Variants in GPM6A observed in about 807,000 individuals in gnomAD.
The protein encoded by GPM6A is glycoprotein M6A, also known as neuronal membrane glycoprotein M6-a.
Under a neutral mutation model 32.1 loss-of-function variants are expected in GPM6A, and 7 were observed. The ratio of observed to expected loss-of-function variants is 0.22; its 90% CI spans 0.12 to 0.41. The LOEUF (loss-of-function observed/expected upper bound fraction) is 0.41, where lower values mean the gene tolerates loss of function less well. Ranked by LOEUF, GPM6A falls within the 10% of genes least tolerant of loss-of-function variation. GPM6A has a pLI of 1.00. For synonymous variants in GPM6A, 130 were observed against 123.4 expected (o/e 1.05, Z -0.35); for missense variants, 235 against 347.2 (o/e 0.68, Z 2.57).
intron 1 of GPM6A, among the ~76,000 whole-genome samples, chr4:175,904,404 A>C (rs892815067): frequency 2.0e-5 from 3 of 152,204 alleles, no homozygotes; most frequent in African/African-American, 7.2e-5. Context: ...TTACAGATAC[A>C]TGTACACATG....
At chr4:175,812,059 C>A in intron 1 of GPM6A, 132 bp downstream of exon 1, 1 of 673,222 alleles carries the variant, frequency 1.5e-6, no homozygotes, top group Non-Finnish European at 2.5e-6. Context: ...GAGGAACAGA[C>A]TAAAGGAGAG....
At chr4:175,845,609 A>C (rs1736063433) in intron 1 of GPM6A, among the ~76,000 whole-genome samples, 1 of 152,126 alleles carries the variant, frequency 6.6e-6, no homozygotes, top group Non-Finnish European at 1.5e-5. Context: ...CTAAATATGC[A>C]GGTTCCAGTT....
chr4:175,922,848 G>A (rs1253328687), intron 1 of GPM6A, among the ~76,000 whole-genome samples: 1 of 152,008 alleles, frequency 6.6e-6, no homozygotes, highest in African/African-American at 2.4e-5. Context: ...ATATGAAAAA[G>A]CTTTCAACTT....
chr4:175,810,344 T>TA (rs1734867587), intron 1 of GPM6A, among the ~76,000 whole-genome samples: 1 of 152,184 alleles, frequency 6.6e-6, no homozygotes, highest in African/African-American at 2.4e-5. Flanking sequence ...ACCTAAATCA[T>TA]AAATATTGTA....
chr4:175,788,237 G>A (rs1733878382), intron 1 of GPM6A, among the ~76,000 whole-genome samples: 1 of 152,080 alleles, frequency 6.6e-6, no homozygotes, highest in Non-Finnish European at 1.5e-5. Context: ...AGGAAAAGGA[G>A]AAACGTCTGA....
At chr4:175,766,842 A>G (rs888458908) in intron 1 of GPM6A, among the ~76,000 whole-genome samples, 3 of 151,974 alleles carry the variant, frequency 2.0e-5, no homozygotes, top group African/African-American at 7.3e-5. Flanking sequence ...TTTAGTAGGA[A>G]CAGGGTTTCA....
chr4:175,756,434 G>A (rs1732527931), intron 1 of GPM6A, among the ~76,000 whole-genome samples: 1 of 152,144 alleles, frequency 6.6e-6, no homozygotes, highest in South Asian at 2.1e-4. Context: ...GGTTTTAAAA[G>A]TTAGACTCCA....
At chr4:175,839,532 CA>C (rs1348429127) in intron 1 of GPM6A, among the ~76,000 whole-genome samples, 1 of 151,946 alleles carries the variant, frequency 6.6e-6, no homozygotes, top group East Asian at 1.9e-4. Context: ...AGACTGAGAG[CA>C]GTATTTATAT....
chr4:175,653,317 T>C (rs771876916), intron 3 of GPM6A, among the ~76,000 whole-genome samples: 3 of 152,124 alleles, frequency 2.0e-5, no homozygotes, highest in Non-Finnish European at 4.4e-5. Flanking sequence ...TAGCAGTTAC[T>C]AAATGCCCCA....
chr4:175,655,212 G>A (rs1229042882), intron 3 of GPM6A, among the ~76,000 whole-genome samples: 1 of 152,048 alleles, frequency 6.6e-6, no homozygotes, highest in African/African-American at 2.4e-5. Flanking sequence ...TAATGCATAA[G>A]TTTTGTTCTA....
chr4:175,855,644 A>G (rs1356356427), intron 1 of GPM6A, among the ~76,000 whole-genome samples: 1 of 152,216 alleles, frequency 6.6e-6, no homozygotes, highest in East Asian at 1.9e-4. Context: ...GAATTGAACA[A>G]TTAAGTAAAT....
intron 1 of GPM6A, among the ~76,000 whole-genome samples, chr4:175,937,803 T>C (rs1476935406): frequency 2.6e-5 from 4 of 152,096 alleles, no homozygotes; most frequent in African/African-American, 7.2e-5. Context: ...TAGAAAAATA[T>C]TAAAGTAAAA....
chr4:175,740,363 C>T (rs770451635), intron 1 of GPM6A, among the ~76,000 whole-genome samples: 5 of 151,974 alleles, frequency 3.3e-5, no homozygotes, highest in Non-Finnish European at 7.4e-5. Flanking sequence ...TAGGAAGAAT[C>T]AGCATTACAT....
At chr4:175,881,467 C>A (rs2033906067) in intron 1 of GPM6A, among the ~76,000 whole-genome samples, 1 of 152,150 alleles carries the variant, frequency 6.6e-6, no homozygotes, top group South Asian at 2.1e-4. Flanking sequence ...CTGGAAATAC[C>A]ATTTGACCCA....
chr4:175,760,312 T>C (rs1201471190), intron 1 of GPM6A, among the ~76,000 whole-genome samples: 2 of 152,112 alleles, frequency 1.3e-5, no homozygotes, highest in African/African-American at 2.4e-5. Flanking sequence ...CAAGAATAGG[T>C]AGGTGTTTAT....
rs113661841 is a variant in GPM6A at position 175,751,745 on chromosome 4, GT to G, written c.38-49979del. 7.4e-4 allele frequency among the ~76,000 whole-genome samples: 106 copies of G among 143,210 alleles called. 1 individual carries two copies. The highest frequency in any genetic ancestry group is 1.2e-3 in the African/African-American group (48 of 39,420). The allele number at this position is 143,210 out of a possible 152,430, so 94.0% of individuals were successfully genotyped here. A position where few individuals can be genotyped will look rare whatever the true frequency, so the allele number is the denominator to read the frequency against. On this transcript the variant is annotated intron_variant, in intron 1 of 6. Coordinates refer to ENST00000393658, the MANE Select transcript of GPM6A (RefSeq NM_201591.3). ...TGACCCGGAGTCACACGATGCACCT[GT>G]TTTTTTTTTTGTTGTTGTTGTTTGT... is the stretch of plus-strand genomic sequence containing the variant.
At chr4:175,833,009 T>G (rs1436865325) in intron 1 of GPM6A, among the ~76,000 whole-genome samples, 2 of 152,170 alleles carry the variant, frequency 1.3e-5, no homozygotes, top group Admixed American at 1.3e-4. Context: ...AGCAGCTAGC[T>G]TCGTACCTCA....
At chr4:175,718,998 CTTTAA>C (rs1414778007) in intron 1 of GPM6A, among the ~76,000 whole-genome samples, 2 of 152,042 alleles carry the variant, frequency 1.3e-5, no homozygotes, top group Non-Finnish European at 2.9e-5. Flanking sequence ...TAGACAGTTT[CTTTAA>C]TTTAGTTCAT....
chr4:175,699,451 G>A (rs1171971626), intron 2 of GPM6A, among the ~76,000 whole-genome samples: 5 of 152,064 alleles, frequency 3.3e-5, no homozygotes, highest in East Asian at 1.9e-4. Flanking sequence ...CAATTTTTCA[G>A]AACTAATTAG....
Sources: allele counts gnomAD v4.1 joint callset (sites outside exome capture counted in the v4.1 genomes callset), GRCh38; gene constraint gnomAD v4.1.1; transcripts MANE v1.5; gene names NCBI Gene and HGNC (gene_info 2026-07-23, HGNC 2026-07-21).